IDNK: variants seen among roughly 807,000 people sequenced by gnomAD.
IDNK encodes IDNK gluconokinase.
A neutral mutation model predicts 13.0 loss-of-function variants in IDNK; 9 were observed. The observed-to-expected ratio is 0.69, with a 90% CI of 0.42 to 1.21. IDNK has a LOEUF of 1.21. Ranked by LOEUF, IDNK falls within the 50% of genes most tolerant of loss-of-function variation. IDNK has a pLI of 0.00. For synonymous variants in IDNK, 92 were observed against 94.9 expected (o/e 0.97, Z 0.18); for missense variants, 210 against 237.8 (o/e 0.88, Z 0.77).
chr9:83,635,271 T>A (rs188525032), intron 3 of IDNK, among the ~76,000 whole-genome samples: 23 of 152,342 alleles, frequency 1.5e-4, no homozygotes, highest in Admixed American at 9.8e-4. Flanking sequence ...TTGATCAATG[T>A]ACCAAAAGAA....
Position 83,627,876 on chromosome 9 carries a change from AAAT to A in IDNK, c.51-304_51-302del, listed in dbSNP as rs1293486908. On this transcript the variant is annotated intron_variant, in intron 1 of 4. Transcript: ENST00000376419. ...CACAAAAAAAAAAAAAAAAAAAAAA[AAAT>A]TACACAACAGGGACCAAAAACTGAT... 9.8e-3 allele frequency: 994 copies of A among 101,572 alleles called. 28 individuals are homozygous for A. The highest frequency in any genetic ancestry group is 0.013 in the Non-Finnish European group (735 of 54,734). 6.3% of individuals were successfully genotyped at this position (101,572 alleles called of 1,614,324 possible). A position where few individuals can be genotyped will look rare whatever the true frequency, so the allele number is the denominator to read the frequency against.
intron 3 of IDNK, among the ~76,000 whole-genome samples, chr9:83,636,317 G>T (rs776336515): frequency 1.3e-5 from 2 of 152,188 alleles, no homozygotes; most frequent in African/African-American, 4.8e-5. Context: ...ATTTGTGCTT[G>T]AAAGGGCAGC....
chr9:83,637,536 G>A (rs988804630), intron 3 of IDNK, among the ~76,000 whole-genome samples: 1 of 152,212 alleles, frequency 6.6e-6, no homozygotes, highest in South Asian at 2.1e-4. Flanking sequence ...CCCAGAGCTG[G>A]AGAGCTTAAA....
Position 83,641,629 on chromosome 9 carries a change from G to A in IDNK, c.212+38G>A, listed in dbSNP as rs537636581. On this transcript the variant is annotated intron_variant, in intron 4 of 4. Coordinates refer to ENST00000376419, the MANE Select transcript of IDNK (RefSeq NM_001001551.4). ...CAGGCCTTGGCATAAGCCAAAGCCA[G>A]CAGGTAAAGAAAACCCTCAGAAAAG... 4 of 1,604,184 alleles carry A rather than the reference G, an allele frequency of 2.5e-6. No individual in the cohort carries two copies. In the African/African-American group the frequency reaches 4.0e-5, roughly 16 times the overall value.
At chr9:83,628,505 C>T (rs773677583) in intron 2 of IDNK, among the ~76,000 whole-genome samples, 5 of 152,038 alleles carry the variant, frequency 3.3e-5, no homozygotes, top group Non-Finnish European at 5.9e-5. Context: ...AAAAATTAGC[C>T]GGGCATGGTT....
intron 3 of IDNK, among the ~76,000 whole-genome samples, chr9:83,637,722 A>T (rs1278280618): frequency 6.6e-6 from 1 of 152,246 alleles, no homozygotes; most frequent in Non-Finnish European, 1.5e-5. Context: ...TGAGGTTTTG[A>T]TGAGCCTATA....
intron 4 of IDNK, 57 bp from the exon 5 acceptor site, chr9:83,643,372 T>C: frequency 7.3e-7 from 1 of 1,368,252 alleles, no homozygotes. Flanking sequence ...TGACAGAGGT[T>C]ACTTTAAATG....
intron 1 of IDNK, 43 bp from the exon 2 acceptor site, chr9:83,628,138 A>G (rs1311584755): frequency 3.9e-6 from 6 of 1,550,172 alleles, no homozygotes; most frequent in African/African-American, 1.4e-5. Flanking sequence ...AGCTCCACAC[A>G]TTGGGCAGGG....
chr9:83,633,271 G>A (rs1420116818), intron 3 of IDNK, among the ~76,000 whole-genome samples: 2 of 152,076 alleles, frequency 1.3e-5, no homozygotes, highest in Non-Finnish European at 2.9e-5. Flanking sequence ...CCCAGGAGGT[G>A]GAGCTTGCAG....
At chr9:83,623,138 C>G (rs543564853), upstream of IDNK, 1 of 1,410,534 alleles carries the variant, frequency 7.1e-7, no homozygotes, top group Non-Finnish European at 9.2e-7. Flanking sequence ...CCGGCGGGGC[C>G]CGGAAGGCGA....
At chr9:83,642,273 A>C (rs1831332610) in intron 4 of IDNK, among the ~76,000 whole-genome samples, 1 of 152,172 alleles carries the variant, frequency 6.6e-6, no homozygotes, top group South Asian at 2.1e-4. Flanking sequence ...GTCATATTTT[A>C]TCCATCTAAA....
At chr9:83,632,452 T>G (rs902482540) in intron 3 of IDNK, among the ~76,000 whole-genome samples, 1 of 150,566 alleles carries the variant, frequency 6.6e-6, no homozygotes, top group Non-Finnish European at 1.5e-5. Context: ...GTAGGGACTA[T>G]CTAGAGCAGG....
At chr9:83,632,406 G>C (rs1277207454) in intron 3 of IDNK, among the ~76,000 whole-genome samples, 1 of 152,042 alleles carries the variant, frequency 6.6e-6, no homozygotes, top group Non-Finnish European at 1.5e-5. Context: ...CACTGGGCTG[G>C]GAGTCGGGAG....
intron 2 of IDNK, 111 bp from the exon 3 acceptor site, chr9:83,628,762 G>A: frequency 1.3e-6 from 1 of 755,510 alleles, no homozygotes; most frequent in Non-Finnish European, 2.3e-6. Context: ...TGGGGTTGAT[G>A]GGAACCAGGC....
chr9:83,635,383 G>T (rs1192960773), intron 3 of IDNK, among the ~76,000 whole-genome samples: 1 of 152,234 alleles, frequency 6.6e-6, no homozygotes, highest in African/African-American at 2.4e-5. Context: ...TAGGACCAAA[G>T]AATCTGGTGG....
At position 83,635,162 on chromosome 9, in the gene IDNK, G is replaced by A. The variant is rs554148306; in HGVS notation, c.168+6203G>A. ...GCTGGCTCTCTGTCTTGCAGGCCCA[G>A]CCCCCTTGATATTGTCAACACACTG... is the stretch of plus-strand genomic sequence containing the variant. On this transcript the variant is annotated intron_variant, in intron 3 of 4. Transcript: ENST00000376419. Among the ~76,000 whole-genome samples, 4 of 152,312 alleles carry A rather than the reference G, an allele frequency of 2.6e-5. No individual in the cohort carries two copies. The South Asian group carries it at 8.3e-4, about 32-fold the overall frequency.
chr9:83,643,983 G>A lies in IDNK; in HGVS notation c.*203G>A. 2 of 508,822 alleles carry A rather than the reference G, an allele frequency of 3.9e-6. No homozygotes were observed. Among genetic ancestry groups the A allele is most frequent in the East Asian group, 3.2e-5 (1 of 31,418 alleles). The allele number at this position is 508,822 out of a possible 1,614,324, so 31.5% of individuals were successfully genotyped here. On this transcript the variant is annotated 3_prime_UTR_variant, in exon 5 of 5. Transcript: ENST00000376419. ...GCAGAGGGGGAGTTTTAAAAGTCAAGCTTAAATTGAAGTTTAAATTCATCT... is the reference window on the plus strand; with the variant it reads ...GCAGAGGGGGAGTTTTAAAAGTCAAACTTAAATTGAAGTTTAAATTCATCT...
chr9:83,643,564 G>A lies in IDNK; in HGVS notation c.348G>A (p.Glu116=). The A allele has an allele frequency of 6.2e-7, 1 of 1,614,052 alleles. No homozygotes were observed. The highest frequency in any genetic ancestry group is 8.5e-7 in the Non-Finnish European group (1 of 1,180,008). ...CGGGAAAGGAAGCAAAGCAGGCTGA[G>A]ATGCAGCTCCTGGTGGTCCATCTGA... ...EESGKEAKQA[E]MQLLVVHLSG... is the part of the protein sequence containing the mutation. The change falls in exon 5 of 5, where the codon GAG becomes GAA. Residue 116 remains glutamate (E), a synonymous_variant. Coordinates refer to ENST00000376419, the MANE Select transcript of IDNK (RefSeq NM_001001551.4).
chr9:83,623,578 A>G lies in IDNK; in HGVS notation c.50+357A>G, dbSNP rs931877829. ...GGTTTCGGGGCGCCTTGTCGGGGCC[A>G]GGCGGGAGGGCGCACGGCCTCTAGC... On this transcript the variant is annotated intron_variant, in intron 1 of 4. Transcript: ENST00000376419. 1.1e-4 allele frequency: 32 copies of G among 281,988 alleles called. 1 individual carries two copies. Among genetic ancestry groups the G allele is most frequent in the Non-Finnish European group, 2.0e-4 (29 of 146,278 alleles). The allele number at this position is 281,988 out of a possible 1,614,324, so 17.5% of individuals were successfully genotyped here.
Sources: gnomAD v4.1 joint callset for allele counts (sites outside exome capture counted in the v4.1 genomes callset) on GRCh38, gnomAD v4.1.1 for gene constraint, MANE v1.5 for transcripts, NCBI Gene and HGNC (gene_info 2026-07-23, HGNC 2026-07-21) for gene names.